SORCS3: variants seen among roughly 807,000 people sequenced by gnomAD.
The protein encoded by SORCS3 is sortilin related VPS10 domain containing receptor 3.
SORCS3 carries 57 observed loss-of-function variants against 146.3 expected under a neutral mutation model. The ratio of observed to expected loss-of-function variants is 0.39; its 90% CI spans 0.31 to 0.49. The LOEUF is 0.49. Ranked by LOEUF, SORCS3 falls within the 20% of genes least tolerant of loss-of-function variation. SORCS3 has a pLI of 0.92. For synonymous variants in SORCS3, 653 were observed against 618.5 expected (o/e 1.06, Z -0.83); for missense variants, 1,341 against 1,575.5 (o/e 0.85, Z 2.52).
chr10:104,778,725 G>T (rs1007581993), intron 1 of SORCS3, among the ~76,000 whole-genome samples: 1 of 152,152 alleles, frequency 6.6e-6, no homozygotes, highest in Non-Finnish European at 1.5e-5. Context: ...TTTCTCCTTA[G>T]CTTCACAGCA....
At chr10:105,138,438 C>T (rs1322464518) in intron 7 of SORCS3, among the ~76,000 whole-genome samples, 1 of 152,212 alleles carries the variant, frequency 6.6e-6, no homozygotes, top group East Asian at 1.9e-4. Context: ...GGCCTGTCTC[C>T]AGCCTGTGCT....
chr10:105,131,669 C>T (rs2056020060), intron 7 of SORCS3, among the ~76,000 whole-genome samples: 1 of 152,046 alleles, frequency 6.6e-6, no homozygotes, highest in Non-Finnish European at 1.5e-5. Context: ...CATGGTTTTG[C>T]AGGCTGTATG....
intron 1 of SORCS3, among the ~76,000 whole-genome samples, chr10:104,825,031 T>C (rs1011544627): frequency 3.3e-5 from 5 of 152,204 alleles, no homozygotes; most frequent in African/African-American, 9.6e-5. Context: ...AAAGCAAGCA[T>C]TGGCATGCAG....
intron 4 of SORCS3, among the ~76,000 whole-genome samples, chr10:104,977,913 G>A (rs2054910515): frequency 1.3e-5 from 2 of 151,600 alleles, no homozygotes; most frequent in Admixed American, 6.6e-5. Context: ...TGTATTTTTA[G>A]TAGAGACGGG....
chr10:105,104,228 G>T (rs940555165), intron 6 of SORCS3, among the ~76,000 whole-genome samples: 4 of 152,276 alleles, frequency 2.6e-5, no homozygotes, highest in African/African-American at 4.8e-5. Context: ...TAGATAATAA[G>T]ATTTCTCTAC....
At chr10:104,694,499 G>A (rs539534344) in intron 1 of SORCS3, among the ~76,000 whole-genome samples, 4 of 152,118 alleles carry the variant, frequency 2.6e-5, no homozygotes, top group Admixed American at 2.6e-4. Flanking sequence ...TTCCCCAGCT[G>A]CTTTAAGTAT....
chr10:104,873,875 A>T (rs948721514), intron 2 of SORCS3, among the ~76,000 whole-genome samples: 5 of 152,218 alleles, frequency 3.3e-5, no homozygotes, highest in Admixed American at 6.5e-5. Context: ...GTGTTGAACA[A>T]TAACTACCTC....
chr10:104,742,253 A>T (rs1443793895), intron 1 of SORCS3, among the ~76,000 whole-genome samples: 1 of 152,106 alleles, frequency 6.6e-6, no homozygotes, highest in Non-Finnish European at 1.5e-5. Context: ...GTTTCCCAGA[A>T]AATTGTTTTT....
chr10:105,212,816 A>G (rs922179874), intron 17 of SORCS3, among the ~76,000 whole-genome samples: 3 of 152,170 alleles, frequency 2.0e-5, no homozygotes, highest in Non-Finnish European at 4.4e-5. Flanking sequence ...AATACCTATC[A>G]TCAGTAAAAA....
At chr10:105,185,633 GAAT>G (rs1174438099) in intron 14 of SORCS3, among the ~76,000 whole-genome samples, 1 of 152,112 alleles carries the variant, frequency 6.6e-6, no homozygotes, top group Non-Finnish European at 1.5e-5. Context: ...ATAATGCAAA[GAAT>G]AATATTACAA....
At chr10:104,961,600 G>T (rs1297888641) in intron 3 of SORCS3, among the ~76,000 whole-genome samples, 1 of 152,112 alleles carries the variant, frequency 6.6e-6, no homozygotes, top group East Asian at 1.9e-4. Context: ...TGTTAAATTT[G>T]TCTATATCCA....
At chr10:104,788,906 A>G (rs894421890) in intron 1 of SORCS3, among the ~76,000 whole-genome samples, 2 of 152,208 alleles carry the variant, frequency 1.3e-5, no homozygotes, top group African/African-American at 4.8e-5. Flanking sequence ...ATTATGGGCC[A>G]CATAAATTGC....
intron 5 of SORCS3, among the ~76,000 whole-genome samples, chr10:105,085,503 G>A (rs889473944): frequency 6.6e-6 from 1 of 152,242 alleles, no homozygotes; most frequent in Non-Finnish European, 1.5e-5. Flanking sequence ...ATCCTGAGCA[G>A]TGCTGGAGCT....
intron 2 of SORCS3, among the ~76,000 whole-genome samples, chr10:104,867,746 C>T (rs374742439): frequency 3.2e-4 from 49 of 152,216 alleles, no homozygotes; most frequent in African/African-American, 1.2e-3. Flanking sequence ...GTTGAGACCT[C>T]AAAGATAATG....
intron 20 of SORCS3, among the ~76,000 whole-genome samples, chr10:105,236,814 T>C (rs2056795364): frequency 6.6e-6 from 1 of 152,164 alleles, no homozygotes; most frequent in African/African-American, 2.4e-5. Context: ...TAATTTGAGT[T>C]TGTATCGATT....
intron 25 of SORCS3, among the ~76,000 whole-genome samples, chr10:105,261,998 A>G (rs1298083684): frequency 1.3e-5 from 2 of 152,234 alleles, no homozygotes. Context: ...TTCAAAGTCT[A>G]GCTCCTTTAA....
At chr10:105,062,949 A>G (rs1224742628) in intron 5 of SORCS3, among the ~76,000 whole-genome samples, 3 of 152,134 alleles carry the variant, frequency 2.0e-5, no homozygotes, top group Non-Finnish European at 1.5e-5. Flanking sequence ...CACCTCACGT[A>G]TGGTTGCTGA....
rs746816227 is a variant in SORCS3 at position 104,842,891 on chromosome 10, C to G, written c.695+32C>G. On this transcript the variant is annotated intron_variant, in intron 2 of 26. Transcript: ENST00000369701. ...AGATTAGAGATTCTTAAGGAGCCAC[C>G]CTGGCTTGGCTCACATGAGAAACGC... The G allele has an allele frequency of 8.9e-6, 14 of 1,568,662 alleles. No individual in the cohort carries two copies. The Admixed American group carries it at 1.3e-4, about 15-fold the overall frequency.
chr10:104,884,888 A>G (rs2018666876), intron 2 of SORCS3, among the ~76,000 whole-genome samples: 1 of 151,952 alleles, frequency 6.6e-6, no homozygotes, highest in Admixed American at 6.6e-5. Context: ...CTTGCTACCA[A>G]TCCTAGTGGA....
Sources: gnomAD v4.1 joint callset for allele counts (sites outside exome capture counted in the v4.1 genomes callset) on GRCh38, gnomAD v4.1.1 for gene constraint, MANE v1.5 for transcripts, NCBI Gene and HGNC (gene_info 2026-07-23, HGNC 2026-07-21) for gene names.